SLC28A3: variants seen among roughly 807,000 people sequenced by gnomAD.
SLC28A3 encodes the protein concentrative Na(+)-nucleoside cotransporter 3.
Under a neutral mutation model 84.2 loss-of-function variants are expected in SLC28A3, and 68 were observed. That is an observed-to-expected ratio of 0.81 (90% CI 0.66 to 0.99). The LOEUF (loss-of-function observed/expected upper bound fraction) is 0.99, where lower values mean the gene tolerates loss of function less well. Ranked by LOEUF, SLC28A3 falls within the 50% of genes least tolerant of loss-of-function variation. SLC28A3 has a pLI of 0.00. For missense variants in SLC28A3, 712 were observed against 841.5 expected, an observed-to-expected ratio of 0.85 and a Z score of 1.90; for synonymous variants, 267 against 303.6, an observed-to-expected ratio of 0.88 and a Z score of 1.25.
chr9:84,297,075 G>C, intron 8 of SLC28A3, 146 bp downstream of exon 8: 1 of 562,664 alleles, frequency 1.8e-6, no homozygotes. Flanking sequence ...ATTGTCAGTG[G>C]AAAAGAGCAG....
At chr9:84,335,763 A>G (rs1826953179) in intron 1 of SLC28A3, among the ~76,000 whole-genome samples, 1 of 152,060 alleles carries the variant, frequency 6.6e-6, no homozygotes, top group African/African-American at 2.4e-5. Flanking sequence ...TCCATTATAC[A>G]TATATAATAT....
upstream of SLC28A3, among the ~76,000 whole-genome samples, chr9:84,343,511 A>G (rs1453747578): frequency 1.3e-5 from 2 of 150,530 alleles, no homozygotes; most frequent in African/African-American, 5.0e-5. Flanking sequence ...CAAATCCTGG[A>G]CTCTACCTCA....
intron 2 of SLC28A3, among the ~76,000 whole-genome samples, chr9:84,309,972 G>A (rs940761713): frequency 1.3e-5 from 2 of 152,000 alleles, no homozygotes; most frequent in Non-Finnish European, 2.9e-5. Flanking sequence ...TTTCTTAAGG[G>A]AACAGGCTCA....
chr9:84,358,578 G>C, the SLC28A3 span, among the ~76,000 whole-genome samples: 102 of 152,204 alleles, frequency 6.7e-4, no homozygotes, highest in African/African-American at 2.3e-3. Flanking sequence ...CTAAGCTATT[G>C]CTATCACGTG....
intron 14 of SLC28A3, among the ~76,000 whole-genome samples, chr9:84,283,356 C>A (rs966805013): frequency 6.6e-6 from 1 of 152,228 alleles, no homozygotes; most frequent in Non-Finnish European, 1.5e-5. Context: ...CACTATCTAT[C>A]TCTGATAGTG....
At chr9:84,323,282 A>G (rs1015919656) in intron 1 of SLC28A3, among the ~76,000 whole-genome samples, 2 of 152,198 alleles carry the variant, frequency 1.3e-5, no homozygotes, top group African/African-American at 4.8e-5. Flanking sequence ...GTATTAGTAT[A>G]CCTATTTTTA....
At chr9:84,347,203 C>CT in the SLC28A3 span, among the ~76,000 whole-genome samples, 7 of 52,078 alleles carry the variant, frequency 1.3e-4, no homozygotes, top group East Asian at 3.3e-3. Flanking sequence ...AAGACTCTGT[C>CT]TAAAAAAAAA....
intron 11 of SLC28A3, 122 bp downstream of exon 11, chr9:84,290,032 G>T: frequency 7.5e-7 from 1 of 1,341,812 alleles, no homozygotes; most frequent in Non-Finnish European, 1.0e-6. Flanking sequence ...ACCAACTTTT[G>T]CCATATGGCA....
At chr9:84,365,154 C>T in the SLC28A3 span, among the ~76,000 whole-genome samples, 1 of 152,150 alleles carries the variant, frequency 6.6e-6, no homozygotes, top group Non-Finnish European at 1.5e-5. Context: ...TACAAGAGTT[C>T]CCTTTTCTCT....
At chr9:84,360,456 TG>T in the SLC28A3 span, among the ~76,000 whole-genome samples, 1 of 151,904 alleles carries the variant, frequency 6.6e-6, no homozygotes, top group Admixed American at 6.6e-5. Context: ...GAGGTTCTCA[TG>T]GGGTCGTTAA....
intron 15 of SLC28A3, 95 bp from the exon 16 acceptor site, chr9:84,280,168 A>T (rs1824688668): frequency 1.8e-6 from 2 of 1,124,468 alleles, no homozygotes; most frequent in Non-Finnish European, 2.5e-6. Context: ...GGCTCAGGTC[A>T]GCTGACTTTT....
chr9:84,289,144 C>G (rs947159304), intron 11 of SLC28A3, among the ~76,000 whole-genome samples: 25 of 152,138 alleles, frequency 1.6e-4, no homozygotes, highest in African/African-American at 6.0e-4. Flanking sequence ...GTTCCTGTTC[C>G]CCCCAGAACA....
chr9:84,295,459 C>A (rs1367126596), intron 8 of SLC28A3, among the ~76,000 whole-genome samples: 1 of 152,080 alleles, frequency 6.6e-6, no homozygotes, highest in East Asian at 1.9e-4. Flanking sequence ...GTGGCACACT[C>A]ATGTAATCCC....
chr9:84,299,748 A>T, intron 5 of SLC28A3, 23 bp from the exon 6 acceptor site: 1 of 1,558,026 alleles, frequency 6.4e-7, no homozygotes, highest in Non-Finnish European at 8.6e-7. Context: ...GAAAGGAGGC[A>T]TTGGCATCAT....
the SLC28A3 span, among the ~76,000 whole-genome samples, chr9:84,368,270 A>G: frequency 6.6e-6 from 1 of 152,206 alleles, no homozygotes; most frequent in African/African-American, 2.4e-5. Flanking sequence ...TTAAACCTTG[A>G]TTCAATACAG....
the SLC28A3 span, among the ~76,000 whole-genome samples, chr9:84,366,085 C>CG: frequency 6.6e-6 from 1 of 151,834 alleles, no homozygotes; most frequent in Admixed American, 6.6e-5. Flanking sequence ...TGGGTGCATT[C>CG]GGGGTGGTAT....
chr9:84,307,641 G>A (rs1005606659), intron 3 of SLC28A3, among the ~76,000 whole-genome samples: 5 of 151,994 alleles, frequency 3.3e-5, no homozygotes, highest in East Asian at 1.9e-4. Flanking sequence ...ATTTTTTCAC[G>A]GTCTGATTTA....
chr9:84,313,048 T>C (rs1826044183), intron 2 of SLC28A3, among the ~76,000 whole-genome samples: 1 of 152,210 alleles, frequency 6.6e-6, no homozygotes, highest in Non-Finnish European at 1.5e-5. Context: ...CTTGTTTCTG[T>C]CATTTACGTT....
At chr9:84,321,604 G>T (rs1313077510) in intron 1 of SLC28A3, among the ~76,000 whole-genome samples, 3 of 151,634 alleles carry the variant, frequency 2.0e-5, no homozygotes, top group Non-Finnish European at 2.9e-5. Context: ...CGTGGTGGCA[G>T]GCGCCTGTAG....
Sources: gnomAD v4.1 joint callset for allele counts (sites outside exome capture counted in the v4.1 genomes callset) on GRCh38, gnomAD v4.1.1 for gene constraint, MANE v1.5 for transcripts, NCBI Gene and HGNC (gene_info 2026-07-23, HGNC 2026-07-21) for gene names.